KHDRBS3: variants seen among roughly 807,000 people sequenced by gnomAD.
KHDRBS3 encodes the protein KH domain-containing, RNA-binding, signal transduction-associated protein 3.
A neutral mutation model predicts 45.6 loss-of-function variants in KHDRBS3; 23 were observed. That is an observed-to-expected ratio of 0.50 (90% CI 0.36 to 0.72). The LOEUF is 0.72. KHDRBS3 is among the 30% of genes least tolerant of loss of function. KHDRBS3 has a pLI of 0.00. For synonymous variants in KHDRBS3, 162 were observed against 156.5 expected, an observed-to-expected ratio of 1.04 and a Z score of -0.26; for missense variants, 352 against 424.8, an observed-to-expected ratio of 0.83 and a Z score of 1.51.
intron 6 of KHDRBS3, among the ~76,000 whole-genome samples, chr8:135,586,889 A>AT (rs1563788160): frequency 6.6e-6 from 1 of 152,154 alleles, no homozygotes; most frequent in Non-Finnish European, 1.5e-5. Flanking sequence ...GGAAAATTCT[A>AT]TTTTTTAAAA....
intron 7 of KHDRBS3, chr8:135,625,706 A>G (rs966034816): frequency 3.8e-6 from 3 of 788,184 alleles, no homozygotes; most frequent in Non-Finnish European, 4.6e-6. Flanking sequence ...ATTTGTCCAC[A>G]GGAATTATTT....
intron 7 of KHDRBS3, among the ~76,000 whole-genome samples, chr8:135,616,356 G>A (rs968400196): frequency 6.6e-6 from 1 of 152,140 alleles, no homozygotes; most frequent in African/African-American, 2.4e-5. Flanking sequence ...TATAAATGTA[G>A]AGAAGACCAC....
At chr8:135,515,246 G>T (rs1194806514) in intron 1 of KHDRBS3, among the ~76,000 whole-genome samples, 1 of 151,450 alleles carries the variant, frequency 6.6e-6, no homozygotes, top group African/African-American at 2.4e-5. Context: ...GGCGCCTGTG[G>T]TCCCAGCTAC....
intron 2 of KHDRBS3, among the ~76,000 whole-genome samples, chr8:135,528,677 A>G (rs1426992094): frequency 6.6e-6 from 1 of 152,190 alleles, no homozygotes; most frequent in African/African-American, 2.4e-5. Context: ...GGTCATTTGT[A>G]AAGAACAGAA....
chr8:135,630,784 A>T (rs1830563946), intron 7 of KHDRBS3, among the ~76,000 whole-genome samples: 1 of 152,204 alleles, frequency 6.6e-6, no homozygotes, highest in African/African-American at 2.4e-5. Context: ...GTATAAAAAA[A>T]GATGGTACAC....
At chr8:135,473,071 A>G (rs1822095012) in intron 1 of KHDRBS3, among the ~76,000 whole-genome samples, 2 of 149,694 alleles carry the variant, frequency 1.3e-5, no homozygotes, top group Admixed American at 1.3e-4. Flanking sequence ...TTTTTTAAGT[A>G]GGAATCTTAA....
chr8:135,508,344 C>CG lies in KHDRBS3; in HGVS notation c.89-12890dup, dbSNP rs554318087. Among the ~76,000 whole-genome samples, 405 of 152,128 alleles carry CG rather than the reference C, an allele frequency of 2.7e-3. 1 individual carries two copies. Among genetic ancestry groups the CG allele is most frequent in the Non-Finnish European group, 3.6e-3 (243 of 67,980 alleles). ...CTATCTCAAAGTGTGATAATGCCAG[C>CG]GGGATAAATGAGAAAGACATTGAAT... is the stretch of plus-strand genomic sequence containing the variant. On this transcript the variant is annotated intron_variant, in intron 1 of 8. Transcript: ENST00000355849.
intron 6 of KHDRBS3, among the ~76,000 whole-genome samples, chr8:135,587,093 A>C (rs1828512264): frequency 6.6e-6 from 1 of 152,230 alleles, no homozygotes; most frequent in African/African-American, 2.4e-5. Flanking sequence ...ACTGTTAGCC[A>C]AAGTGAGAAA....
At chr8:135,593,985 A>C (rs1828863725) in intron 6 of KHDRBS3, among the ~76,000 whole-genome samples, 1 of 152,146 alleles carries the variant, frequency 6.6e-6, no homozygotes, top group South Asian at 2.1e-4. Context: ...GACTCTGCGC[A>C]GACTCGATGT....
At chr8:135,550,534 A>G (rs1471120526) in intron 4 of KHDRBS3, among the ~76,000 whole-genome samples, 1 of 152,206 alleles carries the variant, frequency 6.6e-6, no homozygotes, top group Non-Finnish European at 1.5e-5. Flanking sequence ...GACTAAACAT[A>G]AATGTAAAGG....
intron 1 of KHDRBS3, among the ~76,000 whole-genome samples, chr8:135,459,247 G>A (rs888247735): frequency 1.3e-5 from 2 of 152,190 alleles, no homozygotes; most frequent in South Asian, 4.1e-4. Context: ...TCAGAGTAGA[G>A]TGTGTGTGTG....
At chr8:135,597,845 A>G (rs2130989583) in intron 6 of KHDRBS3, among the ~76,000 whole-genome samples, 1 of 152,080 alleles carries the variant, frequency 6.6e-6, no homozygotes, top group South Asian at 2.1e-4. Flanking sequence ...GTTTAATTTC[A>G]TTTTCTTTAA....
chr8:135,579,720 T>C (rs1828115193), intron 5 of KHDRBS3, among the ~76,000 whole-genome samples: 2 of 152,332 alleles, frequency 1.3e-5, no homozygotes, highest in South Asian at 4.1e-4. Flanking sequence ...TTCTGCTCTA[T>C]TTATATGATC....
intron 6 of KHDRBS3, among the ~76,000 whole-genome samples, chr8:135,600,689 G>A (rs1829169639): frequency 6.6e-6 from 1 of 152,172 alleles, no homozygotes. Flanking sequence ...ATAGGGATGC[G>A]TTATATATGT....
chr8:135,609,408 C>T (rs897840260), intron 7 of KHDRBS3, among the ~76,000 whole-genome samples: 3 of 151,760 alleles, frequency 2.0e-5, no homozygotes, highest in African/African-American at 7.3e-5. Context: ...AATTCTTGTG[C>T]CTCAACCTCC....
chr8:135,639,399 T>C (rs997374421), intron 7 of KHDRBS3, among the ~76,000 whole-genome samples: 3 of 152,138 alleles, frequency 2.0e-5, no homozygotes, highest in African/African-American at 7.2e-5. Context: ...GGCCTGCGTA[T>C]TTGAAGGATC....
At chr8:135,569,031 T>G (rs1827565758) in intron 5 of KHDRBS3, among the ~76,000 whole-genome samples, 1 of 152,208 alleles carries the variant, frequency 6.6e-6, no homozygotes, top group African/African-American at 2.4e-5. Flanking sequence ...TGGTGTCTTC[T>G]AAATTTTATG....
chr8:135,579,346 T>C (rs933329122), intron 5 of KHDRBS3, among the ~76,000 whole-genome samples: 1 of 152,138 alleles, frequency 6.6e-6, no homozygotes, highest in African/African-American at 2.4e-5. Flanking sequence ...GTTCTTTCTT[T>C]TCTTGAGACA....
chr8:135,588,368 G>A (rs983486667), intron 6 of KHDRBS3, among the ~76,000 whole-genome samples: 1 of 152,094 alleles, frequency 6.6e-6, no homozygotes, highest in Non-Finnish European at 1.5e-5. Flanking sequence ...CCACCCTCGC[G>A]CGGCACCTCT....
Sources: gnomAD v4.1 joint callset for allele counts (sites outside exome capture counted in the v4.1 genomes callset) on GRCh38, gnomAD v4.1.1 for gene constraint, MANE v1.5 for transcripts, NCBI Gene and HGNC (gene_info 2026-07-23, HGNC 2026-07-21) for gene names.